FIRRM: variants seen among roughly 807,000 people sequenced by gnomAD.
FIRRM encodes the protein FIGNL1 interacting regulator of recombination and mitosis, also known as FIGNL1-interacting regulator of recombination and mitosis.
At chr1:169,796,358 G>A in the FIRRM span, among the ~76,000 whole-genome samples, 11 of 152,232 alleles carry the variant, frequency 7.2e-5, no homozygotes, top group Admixed American at 5.9e-4. Context: ...TTCCCCACAA[G>A]CTTATAGAGA....
At chr1:169,833,072 A>G in the FIRRM span, among the ~76,000 whole-genome samples, 1 of 152,106 alleles carries the variant, frequency 6.6e-6, no homozygotes, top group Non-Finnish European at 1.5e-5. Flanking sequence ...TATTTTTCAT[A>G]TATATTTGAG....
chr1:169,823,299 A>T, the FIRRM span: 1 of 573,434 alleles, frequency 1.7e-6, no homozygotes, highest in East Asian at 3.1e-5. Context: ...AATTTTTTTA[A>T]AAGGGGTCAC....
At chr1:169,829,407 T>C in the FIRRM span, 1 of 1,613,570 alleles carries the variant, frequency 6.2e-7, no homozygotes, top group East Asian at 2.2e-5. Context: ...TTCATCTGTG[T>C]ACATTTATTA....
the FIRRM span, among the ~76,000 whole-genome samples, chr1:169,828,562 T>C: frequency 6.6e-6 from 1 of 152,098 alleles, no homozygotes; most frequent in African/African-American, 2.4e-5. Context: ...GTTTTTTTTT[T>C]GTTTGGAGCA....
At chr1:169,784,380 C>T in the FIRRM span, among the ~76,000 whole-genome samples, 1 of 152,162 alleles carries the variant, frequency 6.6e-6, no homozygotes, top group Non-Finnish European at 1.5e-5. Flanking sequence ...GTGTGAATTG[C>T]AGGCAACCCC....
chr1:169,840,632 T>C, the FIRRM span, among the ~76,000 whole-genome samples: 623 of 151,806 alleles, frequency 4.1e-3, 5 homozygotes, highest in African/African-American at 0.013. Context: ...TGCCTCAGCC[T>C]CCCGAGTAGC....
At chr1:169,803,215 T>A in the FIRRM span, 2 of 1,613,906 alleles carry the variant, frequency 1.2e-6, no homozygotes, top group African/African-American at 2.7e-5. Flanking sequence ...GTTCAGCATA[T>A]CTGTGCCACA....
chr1:169,829,226 A>G, the FIRRM span: 4 of 1,462,716 alleles, frequency 2.7e-6, no homozygotes. Context: ...AGTAAATGTT[A>G]TTAATGTTGG....
chr1:169,798,986 T>C, the FIRRM span: 1 of 958,188 alleles, frequency 1.0e-6, no homozygotes, highest in Middle Eastern at 2.2e-4. Context: ...AACTGTATGA[T>C]GTACTTTGAT....
At chr1:169,833,527 T>A in the FIRRM span, among the ~76,000 whole-genome samples, 1 of 152,202 alleles carries the variant, frequency 6.6e-6, no homozygotes, top group African/African-American at 2.4e-5. Context: ...TTTGAAAAAG[T>A]TTGTAAAGAC....
chr1:169,808,845 C>T, the FIRRM span, among the ~76,000 whole-genome samples: 4 of 152,244 alleles, frequency 2.6e-5, no homozygotes, highest in African/African-American at 9.6e-5. Flanking sequence ...GTGGTCCACC[C>T]GCCTTGGCCT....
chr1:169,842,832 T>C, the FIRRM span, among the ~76,000 whole-genome samples: 1 of 152,350 alleles, frequency 6.6e-6, no homozygotes, highest in Non-Finnish European at 1.5e-5. Context: ...GTTTCTGTTC[T>C]GTCTTAGGTT....
At chr1:169,817,123 A>C in the FIRRM span, among the ~76,000 whole-genome samples, 7 of 148,482 alleles carry the variant, frequency 4.7e-5, no homozygotes, top group African/African-American at 1.7e-4. Context: ...ACAAAAAGTA[A>C]AAAAAAAAAA....
At chr1:169,821,097 A>C in the FIRRM span, among the ~76,000 whole-genome samples, 3 of 152,218 alleles carry the variant, frequency 2.0e-5, no homozygotes, top group African/African-American at 7.2e-5. Flanking sequence ...CAATGGTAAA[A>C]GAAAGTGCTT....
the FIRRM span, among the ~76,000 whole-genome samples, chr1:169,821,507 C>T: frequency 1.3e-5 from 2 of 151,898 alleles, no homozygotes; most frequent in African/African-American, 2.4e-5. Flanking sequence ...TTATTTGTAT[C>T]GCACCTAATA....
At chr1:169,853,038 TTATG>T in the FIRRM span, 2 of 1,563,970 alleles carry the variant, frequency 1.3e-6, no homozygotes, top group African/African-American at 2.7e-5. Flanking sequence ...CTGAAAATAC[TTATG>T]TCTGTACATT....
At chr1:169,784,655 C>A in the FIRRM span, among the ~76,000 whole-genome samples, 2 of 152,268 alleles carry the variant, frequency 1.3e-5, no homozygotes, top group South Asian at 4.1e-4. Context: ...ATCTCCGAAC[C>A]TTCATAAATT....
chr1:169,804,526 T>G, the FIRRM span: 1 of 195,454 alleles, frequency 5.1e-6, no homozygotes, highest in Non-Finnish European at 9.8e-6. Context: ...ACTTTCACAT[T>G]TTTTTAACCA....
At chr1:169,812,683 C>T in the FIRRM span, among the ~76,000 whole-genome samples, 2 of 151,828 alleles carry the variant, frequency 1.3e-5, no homozygotes, top group East Asian at 1.9e-4. Context: ...ATGGTGAAAC[C>T]CCGTCTCTAC....
Sources: gnomAD v4.1 joint callset for allele counts (sites outside exome capture counted in the v4.1 genomes callset) on GRCh38, gnomAD v4.1.1 for gene constraint, MANE v1.5 for transcripts, NCBI Gene and HGNC (gene_info 2026-07-23, HGNC 2026-07-21) for gene names.